Variants in LIN7C observed in about 807,000 individuals in gnomAD.
The protein encoded by LIN7C is protein lin-7 homolog C.
Under a neutral mutation model 24.7 loss-of-function variants are expected in LIN7C, and 17 were observed. That is an observed-to-expected ratio of 0.69 (90% CI 0.47 to 1.03). LIN7C has a LOEUF of 1.03. LIN7C is among the 50% of genes least tolerant of loss of function. LIN7C has a pLI of 0.00. For missense variants in LIN7C, 204 were observed against 239.0 expected, an observed-to-expected ratio of 0.85 and a Z score of 0.97; for synonymous variants, 90 against 83.4, an observed-to-expected ratio of 1.08 and a Z score of -0.43.
At chr11:27,506,272 G>A (rs910434665) in intron 1 of LIN7C, among the ~76,000 whole-genome samples, 2 of 152,230 alleles carry the variant, frequency 1.3e-5, no homozygotes, top group Non-Finnish European at 2.9e-5. Flanking sequence ...TAATGAAGGA[G>A]TTTGTGTGCA....
chr11:27,501,617 T>TGAAGTTAAAATTTCAGGC (rs71050915), intron 2 of LIN7C, 51 bp from the exon 3 acceptor site: 733,943 of 1,019,968 alleles, frequency 0.72, 276,219 homozygotes, highest in South Asian at 0.8. Context: ...GAGTTCTCTG[T>TGAAGTTAAAATTTCAGGC]GAAGTTAAAA....
intron 3 of LIN7C, among the ~76,000 whole-genome samples, chr11:27,500,687 C>A (rs995316338): frequency 2.0e-5 from 3 of 151,780 alleles, no homozygotes; most frequent in South Asian, 2.1e-4. Context: ...TACTGAATAC[C>A]CGTTATCTTC....
At position 27,494,496 on chromosome 11, in the gene LIN7C, GTTTT is replaced by G. The variant is rs777595817; in HGVS notation, c.*4149_*4152del. The G allele has an allele frequency of 6.6e-6, 1 of 152,132 alleles. No homozygotes were observed. The highest frequency in any genetic ancestry group is 1.9e-4 in the East Asian group (1 of 5,206). 9.4% of individuals were successfully genotyped at this position (152,132 alleles called of 1,614,324 possible). ...CATTTCAGCAGCCACCAGGAATTATGTTTTTTTATACATACCTTTCATAAACGTT... is the reference window on the plus strand; with the variant it reads ...CATTTCAGCAGCCACCAGGAATTATGTTTATACATACCTTTCATAAACGTT... On this transcript the variant is annotated 3_prime_UTR_variant, in exon 5 of 5. Transcript: ENST00000278193.
Position 27,501,506 on chromosome 11 carries a change from C to G in LIN7C, c.217G>C (p.Ala73Pro), listed in dbSNP as rs763454591. 6.3e-7 allele frequency: 1 copy of G among 1,593,342 alleles called. No homozygotes were observed. The highest frequency in any genetic ancestry group is 1.4e-5 in the African/African-American group (1 of 73,486). The change falls in exon 3 of 5, where the codon GCT becomes CCT. Residue 73 changes from alanine to proline, a missense_variant. Coordinates refer to ENST00000278193, the MANE Select transcript of LIN7C (RefSeq NM_018362.4). ...ACAAAAAAATTTACCTTTGCAGTAGCGTTCGCTCTCACTTCAGGACTGCTA... is the reference window on the plus strand; with the variant it reads ...ACAAAAAAATTTACCTTTGCAGTAGGGTTCGCTCTCACTTCAGGACTGCTA... Reference protein sequence around the residue: ...ISSSPEVRANATAKATVAAFA... With the variant: ...ISSSPEVRANPTAKATVAAFA...
At chr11:27,500,395 A>G (rs1358566866) in intron 3 of LIN7C, among the ~76,000 whole-genome samples, 2 of 152,216 alleles carry the variant, frequency 1.3e-5, no homozygotes, top group Non-Finnish European at 2.9e-5. Context: ...AAATAACTCA[A>G]TATTGAGAAA....
Position 27,502,435 on chromosome 11 carries a change from G to C in LIN7C, c.38-515C>G, listed in dbSNP as rs201466852. Among the ~76,000 whole-genome samples, 3 of 152,090 alleles carry C rather than the reference G, an allele frequency of 2.0e-5. No homozygotes were observed. The East Asian group carries it at 5.8e-4, about 29-fold the overall frequency. ...GATACATAGGTAGATAACCACTCGA[G>C]AGCAGATGCAGTTAGTGGCAGGGAC... On this transcript the variant is annotated intron_variant, in intron 1 of 4. Coordinates refer to ENST00000278193, the MANE Select transcript of LIN7C (RefSeq NM_018362.4).
At position 27,501,139 on chromosome 11, in the gene LIN7C, T is replaced by C. The variant is rs899377452; in HGVS notation, c.228+356A>G. Among the ~76,000 whole-genome samples, 8 of 152,268 alleles carry C rather than the reference T, an allele frequency of 5.3e-5. No individual in the cohort carries two copies. In the South Asian group the frequency reaches 8.3e-4, roughly 16 times the overall value. ...TGCTTCCTCATCAATAAGATGAGGA[T>C]AGTAATTCATATCTTAAAATTCTGA... On this transcript the variant is annotated intron_variant, in intron 3 of 4. Coordinates refer to ENST00000278193, the MANE Select transcript of LIN7C (RefSeq NM_018362.4).
At chr11:27,501,615 T>G in intron 2 of LIN7C, 49 bp from the exon 3 acceptor site, 1 of 302,680 alleles carries the variant, frequency 3.3e-6, no homozygotes, top group Non-Finnish European at 5.6e-6. Context: ...TTGAGTTCTC[T>G]GTGAAGTTAA....
rs903336201 is a variant in LIN7C, at chr11:27,495,050, C to A, written c.*3599G>T. 3 of 152,646 alleles carry A rather than the reference C, an allele frequency of 2.0e-5. No individual in the cohort carries two copies. The highest frequency in any genetic ancestry group is 1.3e-4 in the Admixed American group (2 of 15,290). 9.5% of individuals were successfully genotyped at this position (152,646 alleles called of 1,614,324 possible). A position where few individuals can be genotyped will look rare whatever the true frequency, so the allele number is the denominator to read the frequency against. ...CTTTTTGGATAAGCCATAACCATTT[C>A]TTCTATTAAATGCTATAATATCCAT... On this transcript the variant is annotated 3_prime_UTR_variant, in exon 5 of 5. Transcript: ENST00000278193.
At position 27,495,640 on chromosome 11, in the gene LIN7C, CA is replaced by C. The variant is rs1347160112; in HGVS notation, c.*3008del. The C allele has an allele frequency of 6.6e-6, 1 of 151,146 alleles. No homozygotes were observed. Among genetic ancestry groups the C allele is most frequent in the East Asian group, 1.9e-4 (1 of 5,170 alleles). The allele number at this position is 151,146 out of a possible 1,614,324, so 9.4% of individuals were successfully genotyped here. On this transcript the variant is annotated 3_prime_UTR_variant, in exon 5 of 5. Transcript: ENST00000278193. ...TCTGCAATTTTTAAACATGCTTTCT[CA>C]AATAACAAACACGTATTTTTGTAAG...
intron 1 of LIN7C, among the ~76,000 whole-genome samples, chr11:27,502,246 A>T (rs1262496315): frequency 2.6e-5 from 4 of 152,228 alleles, no homozygotes; most frequent in Non-Finnish European, 1.5e-5. Context: ...ACTGTGACTC[A>T]AATGTGACCG....
intron 1 of LIN7C, among the ~76,000 whole-genome samples, chr11:27,504,577 C>T (rs16917069): frequency 5.9e-5 from 9 of 152,050 alleles, no homozygotes; most frequent in Admixed American, 5.9e-4. Flanking sequence ...AAATGGCAAC[C>T]ACTAGTACAG....
intron 4 of LIN7C, 112 bp from the exon 5 acceptor site, chr11:27,498,916 T>G: frequency 1.1e-6 from 1 of 875,578 alleles, no homozygotes; most frequent in Non-Finnish European, 1.8e-6. Context: ...AATGTTATAT[T>G]ATTCCAACAT....
In LIN7C at chr11:27,494,541, A is replaced by G. The variant is rs1055966765; in HGVS notation, c.*4108T>C. 3 of 152,222 alleles carry G rather than the reference A, an allele frequency of 2.0e-5. No homozygotes were observed. 9.4% of individuals were successfully genotyped at this position (152,222 alleles called of 1,614,324 possible). On this transcript the variant is annotated 3_prime_UTR_variant, in exon 5 of 5. Coordinates refer to ENST00000278193, the MANE Select transcript of LIN7C (RefSeq NM_018362.4). ...CATAAACGTTATCTATTGTGTAGTT[A>G]TATCAACTTTTTTCAAATCCAAAGA...
intron 1 of LIN7C, among the ~76,000 whole-genome samples, chr11:27,502,195 C>T (rs541181360): frequency 6.6e-6 from 1 of 152,130 alleles, no homozygotes; most frequent in African/African-American, 2.4e-5. Context: ...TGGAGAAACA[C>T]AGGCAAATTG....
chr11:27,499,274 G>A (rs1865198101), intron 4 of LIN7C, 85 bp downstream of exon 4: 8 of 1,103,016 alleles, frequency 7.3e-6, no homozygotes, highest in East Asian at 2.4e-5. Flanking sequence ...TAAACCACAA[G>A]TTTCTTAGGT....
At chr11:27,506,015 T>C (rs1865285344) in intron 1 of LIN7C, among the ~76,000 whole-genome samples, 2 of 152,226 alleles carry the variant, frequency 1.3e-5, no homozygotes, top group South Asian at 4.1e-4. Flanking sequence ...GAGGTGGTTT[T>C]ATTTTCCTTG....
In LIN7C at chr11:27,498,042, T is replaced by C. The variant is rs1452483507; in HGVS notation, c.*607A>G. On this transcript the variant is annotated 3_prime_UTR_variant, in exon 5 of 5. Coordinates refer to ENST00000278193, the MANE Select transcript of LIN7C (RefSeq NM_018362.4). The stretch of plus-strand genomic sequence containing the variant: ...ATAAATGAATATCCATTATATATTA[T>C]GTTTAAGTAAAAGTGAAAAAACTTG... 1.3e-5 allele frequency: 2 copies of C among 152,148 alleles called. No homozygotes were observed. The highest frequency in any genetic ancestry group is 2.9e-5 in the Non-Finnish European group (2 of 67,980). 9.4% of individuals were successfully genotyped at this position (152,148 alleles called of 1,614,324 possible).
At chr11:27,499,998 T>C (rs183697180) in intron 3 of LIN7C, among the ~76,000 whole-genome samples, 6 of 152,184 alleles carry the variant, frequency 3.9e-5, no homozygotes, top group Non-Finnish European at 8.8e-5. Context: ...AATTCACTGG[T>C]GATTCTGAGA....
Sources: gnomAD v4.1 joint callset for allele counts (sites outside exome capture counted in the v4.1 genomes callset) on GRCh38, gnomAD v4.1.1 for gene constraint, MANE v1.5 for transcripts, NCBI Gene and HGNC (gene_info 2026-07-23, HGNC 2026-07-21) for gene names.